Variants in SGK1 observed in about 807,000 individuals in gnomAD.
The protein encoded by SGK1 is serum/glucocorticoid regulated kinase 1.
SGK1 carries 26 observed loss-of-function variants against 64.2 expected under a neutral mutation model. That is an observed-to-expected ratio of 0.40 (90% CI 0.30 to 0.56). The LOEUF (loss-of-function observed/expected upper bound fraction) is 0.56, where lower values mean the gene tolerates loss of function less well. SGK1 is among the 20% of genes least tolerant of loss of function. SGK1 has a pLI of 0.38. For missense variants in SGK1, 519 were observed against 645.6 expected, an observed-to-expected ratio of 0.80 and a Z score of 2.12; for synonymous variants, 265 against 239.7, an observed-to-expected ratio of 1.11 and a Z score of -0.98.
intron 2 of SGK1, among the ~76,000 whole-genome samples, chr6:134,209,644 T>C (rs371735635): frequency 6.5e-4 from 99 of 152,294 alleles, no homozygotes; most frequent in Middle Eastern, 3.4e-3. Context: ...GGTCATTGTT[T>C]AGTTTCACCG....
chr6:134,181,013 T>C (rs1775323035), intron 3 of SGK1, among the ~76,000 whole-genome samples: 1 of 152,206 alleles, frequency 6.6e-6, no homozygotes. Flanking sequence ...AAGAAACAGG[T>C]CTGAGAGCTT....
intron 2 of SGK1, among the ~76,000 whole-genome samples, chr6:134,232,413 GAGAAAGAAAGAAAGAAAGAAAGAAAGAA>G (rs775588688): frequency 1.7e-4 from 8 of 47,778 alleles, no homozygotes; most frequent in Admixed American, 1.1e-3. Flanking sequence ...AAGAAAGAAA[GAGAAAGAAAGAAAGAAAGAAAGAAAGAA>G]AGAAAGAAAG....
At chr6:134,196,768 A>G (rs1421184171) in intron 3 of SGK1, among the ~76,000 whole-genome samples, 1 of 152,232 alleles carries the variant, frequency 6.6e-6, no homozygotes, top group African/African-American at 2.4e-5. Context: ...GGGATGCCAA[A>G]AACCACGTAT....
At chr6:134,242,692 T>G (rs1307821899) in intron 2 of SGK1, among the ~76,000 whole-genome samples, 1 of 152,048 alleles carries the variant, frequency 6.6e-6, no homozygotes, top group Non-Finnish European at 1.5e-5. Context: ...CTCGAACTCC[T>G]GGCCTCAAAC....
intron 1 of SGK1, among the ~76,000 whole-genome samples, chr6:134,305,381 AAAAAAG>A (rs1214474895): frequency 6.6e-6 from 1 of 151,054 alleles, no homozygotes; most frequent in East Asian, 1.9e-4. Context: ...AAAAAAAAAA[AAAAAAG>A]GGAAAGAAAA....
chr6:134,306,257 T>C (rs553302280), intron 1 of SGK1, among the ~76,000 whole-genome samples: 11 of 152,054 alleles, frequency 7.2e-5, no homozygotes, highest in African/African-American at 1.9e-4. Context: ...ACCCCATCTC[T>C]ACTAAAAATA....
chr6:134,298,390 G>A, intron 1 of SGK1: 4 of 1,288,220 alleles, frequency 3.1e-6, no homozygotes, highest in Non-Finnish European at 4.5e-6. Flanking sequence ...TATGAAGGAG[G>A]CAAACTTGTT....
At chr6:134,201,177 C>T (rs1243023714) in intron 3 of SGK1, among the ~76,000 whole-genome samples, 1 of 150,244 alleles carries the variant, frequency 6.7e-6, no homozygotes, top group East Asian at 2.0e-4. Flanking sequence ...TCTCCTGCCT[C>T]AGCCTCCTGC....
chr6:134,299,134 A>G (rs968949077), intron 1 of SGK1, among the ~76,000 whole-genome samples: 1 of 151,632 alleles, frequency 6.6e-6, no homozygotes, highest in Admixed American at 6.6e-5. Flanking sequence ...AAAGAAAGCA[A>G]TCTGTGCAAT....
At chr6:134,280,443 A>G (rs1012016826) in intron 1 of SGK1, among the ~76,000 whole-genome samples, 1 of 152,056 alleles carries the variant, frequency 6.6e-6, no homozygotes, top group African/African-American at 2.4e-5. Flanking sequence ...AAATATATAT[A>G]TTTTTTAATT....
chr6:134,303,448 C>T (rs1582775305), intron 1 of SGK1, among the ~76,000 whole-genome samples: 3 of 150,758 alleles, frequency 2.0e-5, no homozygotes, highest in Non-Finnish European at 1.5e-5. Flanking sequence ...ATGCCTTGCC[C>T]GATGTTACCA....
intron 1 of SGK1, among the ~76,000 whole-genome samples, chr6:134,285,496 A>C (rs1190337204): frequency 4.8e-5 from 7 of 147,266 alleles, no homozygotes; most frequent in Non-Finnish European, 3.0e-5. Context: ...AAAAAAAAAA[A>C]GGTGGTCCCT....
At chr6:134,303,314 C>A (rs570144517) in intron 1 of SGK1, among the ~76,000 whole-genome samples, 98 of 152,034 alleles carry the variant, frequency 6.4e-4, no homozygotes, top group African/African-American at 1.9e-3. Flanking sequence ...ATGGCGTGAA[C>A]CTGGGAGGCG....
At chr6:134,230,524 A>G (rs1482427721) in intron 2 of SGK1, 4 of 152,174 alleles carry the variant, frequency 2.6e-5, no homozygotes, top group African/African-American at 7.2e-5. Context: ...AGCCTCTTAC[A>G]TAACCATCAG....
chr6:134,264,719 T>A (rs926902183), intron 1 of SGK1, among the ~76,000 whole-genome samples: 2 of 152,114 alleles, frequency 1.3e-5, no homozygotes, highest in Non-Finnish European at 2.9e-5. Flanking sequence ...GACAGCTCAC[T>A]GCAGCCTTAA....
rs548414854 is a variant in SGK1 at position 134,266,902 on chromosome 6, G to A, written c.70-4754C>T. 5.0e-4 allele frequency among the ~76,000 whole-genome samples: 76 copies of A among 152,212 alleles called. 1 individual carries two copies. Among genetic ancestry groups the A allele is most frequent in the African/African-American group, 1.8e-3 (73 of 41,532 alleles). On this transcript the variant is annotated intron_variant, in intron 1 of 13. Coordinates refer to ENST00000367858, the MANE Select transcript of SGK1 (RefSeq NM_001143676.3). ...ATTATTCTTATTCAGATAGTTTTGG[G>A]CTTGAAGTCTGGTAACTGTTCTTGC...
chr6:134,209,169 C>T (rs1355911911), intron 2 of SGK1, among the ~76,000 whole-genome samples: 1 of 152,176 alleles, frequency 6.6e-6, no homozygotes, highest in African/African-American at 2.4e-5. Context: ...CGTGGTGGCT[C>T]ACCCCTGTAA....
At chr6:134,187,062 C>T (rs930221414) in intron 3 of SGK1, among the ~76,000 whole-genome samples, 7 of 152,216 alleles carry the variant, frequency 4.6e-5, no homozygotes, top group Admixed American at 1.3e-4. Context: ...ATGATCTGCT[C>T]GCCTCGGCCT....
At chr6:134,200,437 C>T (rs746792107) in intron 3 of SGK1, among the ~76,000 whole-genome samples, 2 of 152,180 alleles carry the variant, frequency 1.3e-5, no homozygotes, top group Non-Finnish European at 2.9e-5. Flanking sequence ...CTAGTCCTGT[C>T]GTCTGGCACT....
Sources: gnomAD v4.1 joint callset for allele counts (sites outside exome capture counted in the v4.1 genomes callset) on GRCh38, gnomAD v4.1.1 for gene constraint, MANE v1.5 for transcripts, NCBI Gene and HGNC (gene_info 2026-07-23, HGNC 2026-07-21) for gene names.